The following LPCAT1 variants were observed in gnomAD, a reference collection of about 807,000 sequenced individuals.
The protein encoded by LPCAT1 is 1-acylglycerol-3-phosphate O-acyltransferase.
LPCAT1 carries 23 observed loss-of-function variants against 60.9 expected under a neutral mutation model. The observed-to-expected ratio is 0.38, with a 90% CI of 0.27 to 0.53. The LOEUF (loss-of-function observed/expected upper bound fraction) is 0.53. Among genes scored for constraint, LPCAT1 ranks in the 20% least tolerant of loss-of-function variants. The probability of loss-of-function intolerance (pLI) is 0.82; values close to 1 mark genes in which losing one functional copy is unlikely to be tolerated. For synonymous variants in LPCAT1, 340 were observed against 301.1 expected (o/e 1.13, Z -1.34); for missense variants, 622 against 723.6 (o/e 0.86, Z 1.61).
chr5:1,485,872 C>T (rs1313821077), intron 5 of LPCAT1, among the ~76,000 whole-genome samples: 1 of 152,234 alleles, frequency 6.6e-6, no homozygotes, highest in Non-Finnish European at 1.5e-5. Flanking sequence ...GCCACTGTGG[C>T]CCAGTGAGAG....
chr5:1,485,861 G>A (rs796479777), intron 5 of LPCAT1, among the ~76,000 whole-genome samples: 2 of 152,366 alleles, frequency 1.3e-5, no homozygotes, highest in African/African-American at 4.8e-5. Context: ...CGTGCAGGGA[G>A]GCCACTGTGG....
In LPCAT1 at chr5:1,466,883, C is replaced by G. The variant is rs1425873873; in HGVS notation, c.1286G>C (p.Gly429Ala). ...DTIQLAFKMY[G>A]AQEDGSVGEG... The stretch of plus-strand genomic sequence containing the variant: ...GCCGACGCTGCCGTCCTCTTGCGCT[C>G]CGTACATCTGCAAGGCAAACTGGGT... The change falls in exon 13 of 14, where the codon GGA (glycine) becomes GCA (alanine). Residue 429 changes from glycine (G) to alanine (A), a missense_variant. Gly to Ala is a moderately conservative substitution (Grantham distance 60, BLOSUM62 0). This residue lies in a region of LPCAT1 where 288 missense variants were observed against 283.6 expected (regional missense o/e 1.02). Coordinates refer to ENST00000283415, the MANE Select transcript of LPCAT1 (RefSeq NM_024830.5). 6.3e-7 allele frequency: 1 copy of G among 1,595,444 alleles called. No homozygotes were observed. The highest frequency in any genetic ancestry group is 8.6e-7 in the Non-Finnish European group (1 of 1,168,782).
chr5:1,522,002 C>T lies in LPCAT1; in HGVS notation c.135+1708G>A, dbSNP rs908761193. 1.3e-5 allele frequency among the ~76,000 whole-genome samples: 2 copies of T among 152,186 alleles called. No individual in the cohort carries two copies. The highest frequency in any genetic ancestry group is 4.8e-5 in the African/African-American group (2 of 41,428). On this transcript the variant is annotated intron_variant, in intron 1 of 13. Coordinates refer to ENST00000283415, the MANE Select transcript of LPCAT1 (RefSeq NM_024830.5). The surrounding 1 kb of genome is among the most constrained non-coding windows in gnomAD (Gnocchi z 6.8). Reference sequence around the variant, plus strand: ...AACTATGACAGGGATGACGAAGTGGCCTCCGGGGACCTCCAGGGAGGGGCT... The same window carrying T: ...AACTATGACAGGGATGACGAAGTGGTCTCCGGGGACCTCCAGGGAGGGGCT...
chr5:1,493,926 G>C (rs1245215262), intron 3 of LPCAT1, among the ~76,000 whole-genome samples: 1 of 152,268 alleles, frequency 6.6e-6, no homozygotes, highest in South Asian at 2.1e-4. Flanking sequence ...GACTCATAGA[G>C]GAGACACTTG....
Position 1,466,840 on chromosome 5 carries a change from G to A in LPCAT1, c.1329C>T (p.Cys443=). The change falls in exon 13 of 14, where the codon TGC becomes TGT. Residue 443 remains cysteine (C), a synonymous_variant. Coordinates refer to ENST00000283415, the MANE Select transcript of LPCAT1 (RefSeq NM_024830.5). ...CCACCCCCAGGGCCGTCTTGAGGAT[G>A]CAGGACAGGTCACCTTCGCCGACGC... ...DGSVGEGDLS[C]ILKTALGVAE... is the part of the protein sequence containing the mutation. 1.2e-6 allele frequency: 2 copies of A among 1,612,168 alleles called. No individual in the cohort carries two copies. Among genetic ancestry groups the A allele is most frequent in the Non-Finnish European group, 1.7e-6 (2 of 1,178,866 alleles).
rs924269626 is a variant in LPCAT1 at position 1,461,436 on chromosome 5, A to G, written c.*2215T>C. 6.6e-6 allele frequency: 1 copy of G among 152,260 alleles called. No individual in the cohort carries two copies. The highest frequency in any genetic ancestry group is 6.5e-5 in the Admixed American group (1 of 15,288). The allele number at this position is 152,260 out of a possible 1,614,324, so 9.4% of individuals were successfully genotyped here. A position where few individuals can be genotyped will look rare whatever the true frequency, so the allele number is the denominator to read the frequency against. ...ACACAAAACAACATCATTCCCAAGT[A>G]TAGACTTTATGTTTTACTTATTCCA... On this transcript the variant is annotated 3_prime_UTR_variant, in exon 14 of 14. Transcript: ENST00000283415.
Position 1,480,427 on chromosome 5 carries a change from G to A in LPCAT1, c.761+515C>T, listed in dbSNP as rs1735091875. 1 of 954,086 alleles carries A rather than the reference G, an allele frequency of 1.0e-6. No individual in the cohort carries two copies. Among genetic ancestry groups the A allele is most frequent in the Non-Finnish European group, 1.2e-6 (1 of 801,414 alleles). 59.1% of individuals were successfully genotyped at this position (954,086 alleles called of 1,614,324 possible). A position where few individuals can be genotyped will look rare whatever the true frequency, so the allele number is the denominator to read the frequency against. On this transcript the variant is annotated intron_variant, in intron 7 of 13. Transcript: ENST00000283415. The surrounding 1 kb of genome is among the most constrained non-coding windows in gnomAD (Gnocchi z 6.4). ...CAGCTCAGACGTCAGCACCCAGGAG[G>A]CCCTGACCAGCCTGTGGCCCCGGGC...
At chr5:1,466,625 G>A in intron 13 of LPCAT1, 124 bp downstream of exon 13, 16 of 1,089,736 alleles carry the variant, frequency 1.5e-5, no homozygotes, top group Non-Finnish European at 1.9e-5. Context: ...ACACAGGGCA[G>A]CCTGGTGAAT....
chr5:1,521,597 C>A lies in LPCAT1; in HGVS notation c.135+2113G>T. 3.0e-5 allele frequency: 12 copies of A among 400,842 alleles called. No homozygotes were observed. The highest frequency in any genetic ancestry group is 3.7e-5 in the Non-Finnish European group (11 of 295,706). 24.8% of individuals were successfully genotyped at this position (400,842 alleles called of 1,614,324 possible). ...TTACAAACTAAACCCTTGAGCCACA[C>A]ATTGCAGACATCCAGCAGAAACGAC... On this transcript the variant is annotated intron_variant, in intron 1 of 13. Coordinates refer to ENST00000283415, the MANE Select transcript of LPCAT1 (RefSeq NM_024830.5). This position sits in a 1 kb window ranked among gnomAD's most constrained non-coding sequence, Gnocchi z 4.3.
intron 12 of LPCAT1, 73 bp downstream of exon 12, chr5:1,470,753 G>T: frequency 8.7e-7 from 1 of 1,151,284 alleles, no homozygotes; most frequent in Non-Finnish European, 1.2e-6. Context: ...AGGAACTAGA[G>T]AAATGAACAA....
chr5:1,469,800 A>G (rs184923621), intron 12 of LPCAT1, among the ~76,000 whole-genome samples: 1 of 152,192 alleles, frequency 6.6e-6, no homozygotes, highest in East Asian at 1.9e-4. Flanking sequence ...AAAAAAAAAA[A>G]AACAACAGGG....
chr5:1,491,587 G>A (rs1447990389), intron 3 of LPCAT1, among the ~76,000 whole-genome samples: 1 of 152,194 alleles, frequency 6.6e-6, no homozygotes, highest in Non-Finnish European at 1.5e-5. Context: ...TGAGAACTGG[G>A]CAGTGAGGAC....
At chr5:1,479,238 T>C (rs569990736) in intron 8 of LPCAT1, among the ~76,000 whole-genome samples, 1 of 152,056 alleles carries the variant, frequency 6.6e-6, no homozygotes, top group East Asian at 1.9e-4. Context: ...CTACAAAAAT[T>C]AGCTAGGCAT....
chr5:1,518,591 C>T (rs559952591), intron 1 of LPCAT1, among the ~76,000 whole-genome samples: 3 of 152,348 alleles, frequency 2.0e-5, no homozygotes, highest in South Asian at 2.1e-4. Context: ...CCGCCCGCCT[C>T]GGCCTCCCAA....
At chr5:1,513,595 C>T (rs1736418581) in intron 1 of LPCAT1, among the ~76,000 whole-genome samples, 1 of 152,216 alleles carries the variant, frequency 6.6e-6, no homozygotes, top group Admixed American at 6.5e-5. Flanking sequence ...CTCGGTTACA[C>T]CTGACCCATT....
In LPCAT1 at chr5:1,477,347, G is replaced by T; in HGVS notation, c.899+57C>A. 7.2e-7 allele frequency: 1 copy of T among 1,390,894 alleles called. No individual in the cohort carries two copies. The highest frequency in any genetic ancestry group is 1.4e-5 in the African/African-American group (1 of 70,174). The allele number at this position is 1,390,894 out of a possible 1,614,324, so 86.2% of individuals were successfully genotyped here. On this transcript the variant is annotated intron_variant, in intron 9 of 13. Coordinates refer to ENST00000283415, the MANE Select transcript of LPCAT1 (RefSeq NM_024830.5). This position sits in a 1 kb window ranked among gnomAD's most constrained non-coding sequence, Gnocchi z 6.0. ...GTTGCCTATTTTAAATATACAGAGA[G>T]CAGCACTCTGGGAGACACCCCTGAC...
chr5:1,484,620 C>T (rs779451721), intron 5 of LPCAT1, among the ~76,000 whole-genome samples: 70 of 152,350 alleles, frequency 4.6e-4, no homozygotes, highest in Non-Finnish European at 9.0e-4. Flanking sequence ...CCCATGCTTG[C>T]CCCTAGGGCT....
rs898032556 is a variant in LPCAT1, at chr5:1,466,737, C to T, written c.1420+12G>A. ...AAGGGTCGCGAGGACGACCCCACTC[C>T]TGCGGGCTCACCGAATGTGATCTTC... On this transcript the variant is annotated intron_variant, in intron 13 of 13. Transcript: ENST00000283415. 17 of 1,607,834 alleles carry T rather than the reference C, an allele frequency of 1.1e-5. No homozygotes were observed. In the African/African-American group the frequency reaches 2.1e-4, roughly 20 times the overall value.
intron 1 of LPCAT1, among the ~76,000 whole-genome samples, chr5:1,515,879 C>T (rs992966218): frequency 1.5e-4 from 23 of 152,150 alleles, no homozygotes; most frequent in African/African-American, 5.6e-4. Context: ...GGAGACCCTC[C>T]ACCCAGGACA....
Sources: gnomAD v4.1 joint callset for allele counts (sites outside exome capture counted in the v4.1 genomes callset) on GRCh38, gnomAD v4.1.1 for gene constraint, gnomAD v4.1.1 regional missense constraint, Gnocchi (gnomAD v3.1) non-coding constraint, MANE v1.5 for transcripts, NCBI Gene and HGNC (gene_info 2026-07-23, HGNC 2026-07-21) for gene names.